DAB1: variants seen among roughly 807,000 people sequenced by gnomAD.
The protein encoded by DAB1 is DAB adaptor protein 1.
DAB1 carries 15 observed loss-of-function variants against 64.6 expected under a neutral mutation model. The ratio of observed to expected loss-of-function variants is 0.23; its 90% CI spans 0.16 to 0.36. The LOEUF (loss-of-function observed/expected upper bound fraction) is 0.36. Among genes scored for constraint, DAB1 ranks in the 10% least tolerant of loss-of-function variants. DAB1 has a pLI of 1.00. For synonymous variants in DAB1, 235 were observed against 251.9 expected (o/e 0.93, Z 0.64); for missense variants, 596 against 706.7 (o/e 0.84, Z 1.78).
intron 11 of DAB1, among the ~76,000 whole-genome samples, chr1:57,019,765 C>T (rs1306218482): frequency 2.6e-5 from 4 of 152,114 alleles, no homozygotes; most frequent in Non-Finnish European, 5.9e-5. Context: ...CTGTTTATGC[C>T]GTGAAGTTCA....
At chr1:57,512,830 T>G (rs1644420557) in intron 7 of DAB1, among the ~76,000 whole-genome samples, 1 of 152,106 alleles carries the variant, frequency 6.6e-6, no homozygotes, top group Non-Finnish European at 1.5e-5. Flanking sequence ...GGGCATGGCA[T>G]TCAGACAGGC....
At chr1:57,715,708 T>C (rs567296051) in intron 6 of DAB1, among the ~76,000 whole-genome samples, 1 of 151,904 alleles carries the variant, frequency 6.6e-6, no homozygotes, top group Middle Eastern at 3.4e-3. Context: ...AAAAAATACC[T>C]AGAAATAATT....
intron 4 of DAB1, among the ~76,000 whole-genome samples, chr1:57,094,821 G>T (rs906879954): frequency 6.6e-6 from 1 of 152,044 alleles, no homozygotes; most frequent in Non-Finnish European, 1.5e-5. Flanking sequence ...AGGCCAGTAG[G>T]AAGTCAGGAG....
intron 3 of DAB1, among the ~76,000 whole-genome samples, chr1:58,362,373 G>A (rs144406990): frequency 4.8e-4 from 73 of 152,242 alleles, no homozygotes; most frequent in African/African-American, 1.7e-3. Flanking sequence ...TTTCCATTAT[G>A]TCTCCATCCT....
rs141608710 is a variant in DAB1, at chr1:57,185,302, G to C, written c.68-39873C>G. On this transcript the variant is annotated intron_variant, in intron 2 of 14. Coordinates refer to ENST00000371236, the MANE Select transcript of DAB1 (RefSeq NM_001365792.1). ...GAACTTATGATGCCACCAGGTAACA[G>C]AAAGTCTGGAGGCCTGAAGACCAGT... Among the ~76,000 whole-genome samples the C allele has an allele frequency of 7.9e-5, 12 of 152,300 alleles. No homozygotes were observed. In the East Asian group the frequency reaches 1.9e-3, roughly 25 times the overall value.
At chr1:57,580,743 A>G (rs776267488) in intron 7 of DAB1, among the ~76,000 whole-genome samples, 7 of 152,156 alleles carry the variant, frequency 4.6e-5, no homozygotes, top group Non-Finnish European at 5.9e-5. Context: ...ATCACACTTC[A>G]AGCATCAGAT....
intron 5 of DAB1, among the ~76,000 whole-genome samples, chr1:57,943,601 C>T (rs944631735): frequency 2.0e-5 from 3 of 152,076 alleles, no homozygotes; most frequent in South Asian, 2.1e-4. Context: ...AGTCATTTAC[C>T]ATCAGGAATA....
At chr1:57,233,705 G>C (rs1157877002) in intron 2 of DAB1, among the ~76,000 whole-genome samples, 1 of 151,638 alleles carries the variant, frequency 6.6e-6, no homozygotes, top group Non-Finnish European at 1.5e-5. Context: ...GTTTCAGTGA[G>C]CCGAGATCGT....
chr1:57,678,795 C>G (rs1406676809), intron 6 of DAB1, among the ~76,000 whole-genome samples: 1 of 124,096 alleles, frequency 8.1e-6, no homozygotes, highest in Non-Finnish European at 1.6e-5. Flanking sequence ...TTTTTGGAGT[C>G]TTGCTCTGTC....
intron 5 of DAB1, among the ~76,000 whole-genome samples, chr1:58,079,564 C>T (rs1055163930): frequency 2.1e-5 from 3 of 143,108 alleles, no homozygotes; most frequent in Admixed American, 1.4e-4. Flanking sequence ...GCTCTGTCGC[C>T]CAGGTTGGAG....
chr1:57,189,846 A>G (rs1362381391), intron 2 of DAB1, among the ~76,000 whole-genome samples: 11 of 48,454 alleles, frequency 2.3e-4, no homozygotes, highest in Admixed American at 5.2e-4. Context: ...AGGGAAGGGG[A>G]AAAAAAAAAA....
chr1:58,485,756 C>T (rs893665333), intron 3 of DAB1, among the ~76,000 whole-genome samples: 1 of 152,056 alleles, frequency 6.6e-6, no homozygotes, highest in Non-Finnish European at 1.5e-5. Context: ...TATGTCTTTC[C>T]ACTTCCTTTA....
intron 7 of DAB1, among the ~76,000 whole-genome samples, chr1:57,431,317 T>C (rs1439777603): frequency 6.6e-6 from 1 of 152,088 alleles, no homozygotes; most frequent in Non-Finnish European, 1.5e-5. Flanking sequence ...AACAAAAGGA[T>C]CCACTTAAAA....
chr1:57,700,675 G>A (rs1646896665), intron 6 of DAB1, among the ~76,000 whole-genome samples: 1 of 151,958 alleles, frequency 6.6e-6, no homozygotes, highest in African/African-American at 2.4e-5. Context: ...TCTTATTTGG[G>A]TTAAATCTGT....
At chr1:57,368,421 C>T (rs1314442315) in intron 1 of DAB1, among the ~76,000 whole-genome samples, 2 of 152,152 alleles carry the variant, frequency 1.3e-5, no homozygotes, top group Non-Finnish European at 2.9e-5. Context: ...CTGGGCCCAC[C>T]CATGGCCAAC....
intron 5 of DAB1, among the ~76,000 whole-genome samples, chr1:58,022,662 C>T (rs745814603): frequency 2.0e-5 from 3 of 152,140 alleles, no homozygotes; most frequent in Non-Finnish European, 4.4e-5. Context: ...AAAATAAAAT[C>T]AATTACAGTA....
At chr1:57,346,129 G>A (rs569783950) in intron 1 of DAB1, among the ~76,000 whole-genome samples, 30 of 152,280 alleles carry the variant, frequency 2.0e-4, no homozygotes, top group African/African-American at 6.5e-4. Flanking sequence ...CTTTCACTAC[G>A]CTACAAAACG....
intron 4 of DAB1, among the ~76,000 whole-genome samples, chr1:57,083,990 T>C (rs1157602937): frequency 1.3e-5 from 2 of 152,186 alleles, no homozygotes; most frequent in African/African-American, 2.4e-5. Context: ...ACAAAGGTTG[T>C]TTAGTAAATG....
At chr1:57,441,385 T>C (rs988580875) in intron 7 of DAB1, among the ~76,000 whole-genome samples, 5 of 151,134 alleles carry the variant, frequency 3.3e-5, no homozygotes, top group Non-Finnish European at 7.4e-5. Context: ...TGAGGCAGGG[T>C]TCTCACTTTG....
Sources: gnomAD v4.1 joint callset for allele counts (sites outside exome capture counted in the v4.1 genomes callset) on GRCh38, gnomAD v4.1.1 for gene constraint, MANE v1.5 for transcripts, NCBI Gene and HGNC (gene_info 2026-07-23, HGNC 2026-07-21) for gene names.